The following SLC41A2 variants were observed in gnomAD, a reference collection of about 807,000 sequenced individuals.
The protein encoded by SLC41A2 is SLC41A1-like 1.
In SLC41A2, 32 loss-of-function variants were observed where a neutral mutation model predicts 58.3. The ratio of observed to expected loss-of-function variants is 0.55; its 90% CI spans 0.41 to 0.74. The LOEUF (loss-of-function observed/expected upper bound fraction) is 0.74, where lower values mean the gene tolerates loss of function less well. SLC41A2 is among the 30% of genes least tolerant of loss of function. The pLI is 0.00. For missense variants in SLC41A2, 514 were observed against 680.6 expected (o/e 0.76, Z 2.72); for synonymous variants, 190 against 235.0 (o/e 0.81, Z 1.75).
chr12:104,901,305 C>T (rs2045548230), intron 3 of SLC41A2, among the ~76,000 whole-genome samples: 1 of 151,726 alleles, frequency 6.6e-6, no homozygotes, highest in South Asian at 2.1e-4. Context: ...AAAAACTCAA[C>T]AATTTATAGA....
intron 1 of SLC41A2, among the ~76,000 whole-genome samples, chr12:104,939,994 C>G (rs2047435954): frequency 6.6e-6 from 1 of 152,020 alleles, no homozygotes; most frequent in Non-Finnish European, 1.5e-5. Context: ...TATACCTCCT[C>G]TACGTTTCTG....
At chr12:104,882,325 T>A (rs567714204) in intron 6 of SLC41A2, among the ~76,000 whole-genome samples, 2 of 152,322 alleles carry the variant, frequency 1.3e-5, no homozygotes, top group South Asian at 4.1e-4. Flanking sequence ...ACATTTAACA[T>A]TAATATTGTT....
chr12:104,947,824 AT>A (rs751935004), intron 1 of SLC41A2, among the ~76,000 whole-genome samples: 122 of 152,294 alleles, frequency 8.0e-4, no homozygotes, highest in Non-Finnish European at 1.6e-3. Flanking sequence ...TATCTCATAT[AT>A]ATTTTAATTT....
chr12:104,885,192 C>T (rs1374004995), intron 6 of SLC41A2, among the ~76,000 whole-genome samples: 29 of 152,168 alleles, frequency 1.9e-4, no homozygotes, highest in Admixed American at 1.9e-3. Flanking sequence ...TTGTCTTATA[C>T]CTCACTTAAA....
intron 10 of SLC41A2, chr12:104,834,102 C>A: frequency 4.1e-6 from 4 of 985,360 alleles, no homozygotes; most frequent in Non-Finnish European, 4.8e-6. Flanking sequence ...TCACAGGAAT[C>A]AAGCATGCTG....
chr12:104,918,773 T>A (rs1003327213), intron 2 of SLC41A2, among the ~76,000 whole-genome samples: 1 of 152,154 alleles, frequency 6.6e-6, no homozygotes, highest in Non-Finnish European at 1.5e-5. Context: ...ACATATTACT[T>A]TTTTTAAATT....
At chr12:104,861,512 T>TA in intron 7 of SLC41A2, 142 bp from the exon 8 acceptor site, 1 of 551,852 alleles carries the variant, frequency 1.8e-6, no homozygotes. Flanking sequence ...ATATTCAAAG[T>TA]AAAAATCAAT....
At chr12:104,921,667 T>G (rs2046603606) in intron 2 of SLC41A2, among the ~76,000 whole-genome samples, 1 of 152,118 alleles carries the variant, frequency 6.6e-6, no homozygotes, top group Admixed American at 6.6e-5. Context: ...AAGAAAACAG[T>G]TGAAGATAAA....
rs147609508 is a variant in SLC41A2 at position 104,822,235 on chromosome 12, A to G, written c.1537-16898T>C. ...AAGTATAATTAGTACAATACTCTTG[A>G]TATCCATAGAATATTAAGGAAAGGT... On this transcript the variant is annotated intron_variant, in intron 10 of 10. Coordinates refer to ENST00000258538, the MANE Select transcript of SLC41A2 (RefSeq NM_001352171.3). Among the ~76,000 whole-genome samples the G allele has an allele frequency of 4.9e-3, 753 of 152,318 alleles. 14 individuals are homozygous for G. The East Asian group carries it at 0.06, about 12-fold the overall frequency.
intron 8 of SLC41A2, among the ~76,000 whole-genome samples, chr12:104,856,704 T>C (rs987685002): frequency 6.6e-6 from 1 of 152,162 alleles, no homozygotes; most frequent in Non-Finnish European, 1.5e-5. Context: ...AACTAGTCAG[T>C]CCTGGGCAAA....
intron 4 of SLC41A2, among the ~76,000 whole-genome samples, chr12:104,891,645 A>G (rs2044977972): frequency 6.6e-6 from 1 of 151,816 alleles, no homozygotes. Flanking sequence ...AAAAGAGGAA[A>G]GAGACTTTCA....
intron 2 of SLC41A2, among the ~76,000 whole-genome samples, chr12:104,921,447 T>C (rs925321721): frequency 1.3e-5 from 2 of 149,462 alleles, no homozygotes; most frequent in African/African-American, 4.9e-5. Flanking sequence ...GCAGAAACCA[T>C]ACAGGCCAGA....
At chr12:104,943,216 A>G (rs1267746102) in intron 1 of SLC41A2, among the ~76,000 whole-genome samples, 1 of 152,194 alleles carries the variant, frequency 6.6e-6, no homozygotes, top group Non-Finnish European at 1.5e-5. Context: ...CAATGTATCA[A>G]TGCTTAGAAG....
At chr12:104,925,047 C>G (rs1227240136) in intron 2 of SLC41A2, among the ~76,000 whole-genome samples, 1 of 151,996 alleles carries the variant, frequency 6.6e-6, no homozygotes, top group African/African-American at 2.4e-5. Flanking sequence ...TAGTGATTAC[C>G]TTTGGTGATG....
chr12:104,870,860 A>AT (rs147767988), intron 6 of SLC41A2, among the ~76,000 whole-genome samples: 2,814 of 152,194 alleles, frequency 0.018, 102 homozygotes, highest in African/African-American at 0.064. Context: ...GTAAGTTGTG[A>AT]TTTTTTTCTA....
intron 6 of SLC41A2, among the ~76,000 whole-genome samples, chr12:104,877,317 G>A (rs992294354): frequency 1.3e-5 from 2 of 152,152 alleles, no homozygotes; most frequent in African/African-American, 4.8e-5. Flanking sequence ...GCACAGAGCA[G>A]ACACTTTAGC....
At chr12:104,879,922 T>C (rs1267610393) in intron 6 of SLC41A2, among the ~76,000 whole-genome samples, 1 of 152,328 alleles carries the variant, frequency 6.6e-6, no homozygotes, top group East Asian at 1.9e-4. Flanking sequence ...TGTTCTTCCA[T>C]TTCTTTGTGT....
intron 1 of SLC41A2, among the ~76,000 whole-genome samples, chr12:104,937,716 T>C (rs1374436242): frequency 6.6e-6 from 1 of 152,210 alleles, no homozygotes; most frequent in Non-Finnish European, 1.5e-5. Context: ...TGGCATGGCA[T>C]CAACTGGGAG....
intron 4 of SLC41A2, among the ~76,000 whole-genome samples, chr12:104,892,611 G>A (rs76673983): frequency 0.085 from 12,895 of 152,032 alleles, 788 homozygotes; most frequent in East Asian, 0.26. Flanking sequence ...TTCAAATTAT[G>A]CTACAGAGCT....
Sources: allele counts gnomAD v4.1 joint callset (sites outside exome capture counted in the v4.1 genomes callset), GRCh38; gene constraint gnomAD v4.1.1; transcripts MANE v1.5; gene names NCBI Gene and HGNC (gene_info 2026-07-23, HGNC 2026-07-21).